The following PIP4K2C variants were observed in gnomAD, a reference collection of about 807,000 sequenced individuals.
The protein encoded by PIP4K2C is phosphatidylinositol 5-phosphate 4-kinase type-2 gamma.
A neutral mutation model predicts 45.0 loss-of-function variants in PIP4K2C; 21 were observed. The observed-to-expected ratio is 0.47, with a 90% CI of 0.33 to 0.67. PIP4K2C has a LOEUF of 0.67. Among genes scored for constraint, PIP4K2C ranks in the 30% least tolerant of loss-of-function variants. The pLI is 0.02. For missense variants in PIP4K2C, 456 were observed against 542.8 expected (o/e 0.84, Z 1.59); for synonymous variants, 201 against 204.8 (o/e 0.98, Z 0.16).
chr12:57,593,675 GTTTTTTTTTTTTTTTTTTT>G (rs56900742), intron 1 of PIP4K2C, among the ~76,000 whole-genome samples: 7 of 64,052 alleles, frequency 1.1e-4, no homozygotes, highest in African/African-American at 4.4e-4. Context: ...AGCTTGCAGA[GTTTTTTTTTTTTTTTTTTT>G]TTTTTTTTTT....
rs911875715 is a variant in PIP4K2C, at chr12:57,601,750, T to C, written c.*144T>C. The C allele has an allele frequency of 1.3e-5, 9 of 703,158 alleles. No homozygotes were observed. The highest frequency in any genetic ancestry group is 2.3e-5 in the Non-Finnish European group (9 of 397,240). 43.6% of individuals were successfully genotyped at this position (703,158 alleles called of 1,614,324 possible). On this transcript the variant is annotated 3_prime_UTR_variant, in exon 10 of 10. Transcript: ENST00000354947. ...TCCTTCCATCCAGATAACTCCATCC[T>C]GTCGAGTAGGCTCTTTCTGACCCTC...
intron 4 of PIP4K2C, among the ~76,000 whole-genome samples, chr12:57,596,384 C>T (rs1883194989): frequency 6.6e-6 from 1 of 151,558 alleles, no homozygotes; most frequent in Non-Finnish European, 1.5e-5. Flanking sequence ...GCTCAGGAGG[C>T]TAACGCAGGA....
At chr12:57,600,048 CAAAAAA>C (rs56278212) in intron 6 of PIP4K2C, among the ~76,000 whole-genome samples, 1 of 139,470 alleles carries the variant, frequency 7.2e-6, no homozygotes, top group Non-Finnish European at 1.5e-5. Context: ...GATCCTATCT[CAAAAAA>C]AAAAAAAAAA....
At chr12:57,599,030 G>T in intron 4 of PIP4K2C, 35 bp from the exon 5 acceptor site, 1 of 1,607,564 alleles carries the variant, frequency 6.2e-7, no homozygotes, top group Non-Finnish European at 8.5e-7. Context: ...CTGCTACTCA[G>T]CCTCTCCCCA....
Position 57,600,504 on chromosome 12 carries a change from C to T in PIP4K2C, c.813+67C>T, listed in dbSNP as rs1042411060. On this transcript the variant is annotated intron_variant, in intron 7 of 9. Transcript: ENST00000354947. The stretch of plus-strand genomic sequence containing the variant: ...CTCCCTAGAGGGTAGTTGTCTCTTT[C>T]ATTCACGGTATGAGGGAGCTCCTCC... 8.2e-6 allele frequency: 9 copies of T among 1,103,150 alleles called. No homozygotes were observed. The African/African-American group carries it at 1.1e-4, about 13-fold the overall frequency. 68.3% of individuals were successfully genotyped at this position (1,103,150 alleles called of 1,614,324 possible).
chr12:57,599,493 G>A (rs1883335549), intron 6 of PIP4K2C, 55 bp downstream of exon 6: 1 of 1,594,602 alleles, frequency 6.3e-7, no homozygotes, highest in South Asian at 1.1e-5. Context: ...GAGGGCAGAT[G>A]AGGGGAACTT....
chr12:57,594,220 C>T (rs1381652463), intron 2 of PIP4K2C, 98 bp downstream of exon 2: 8 of 953,354 alleles, frequency 8.4e-6, no homozygotes, highest in Non-Finnish European at 1.2e-5. Context: ...AACATCCTTC[C>T]CAAATGCAGA....
At chr12:57,601,470 T>C in intron 9 of PIP4K2C, 56 bp from the exon 10 acceptor site, 3 of 1,549,916 alleles carry the variant, frequency 1.9e-6, no homozygotes, top group Non-Finnish European at 1.8e-6. Context: ...TGGGTGGGGG[T>C]GATGGGGACG....
Position 57,595,219 on chromosome 12 carries a change from C to T in PIP4K2C, c.366C>T (p.Tyr122=), listed in dbSNP as rs1335892049. The change falls in exon 3 of 10, where the codon TAC becomes TAT. Residue 122 remains tyrosine, a synonymous_variant. Transcript: ENST00000354947. ...GATTTGGCATTGATGACCAAGATTA[C>T]TTGGTGAGAGTCCATTAAGGGGTGA... is the stretch of plus-strand genomic sequence containing the variant. ...RDRFGIDDQD[Y]LVSLTRNPPS... The T allele has an allele frequency of 1.3e-6, 2 of 1,595,008 alleles. No individual in the cohort carries two copies. Among genetic ancestry groups the T allele is most frequent in the Non-Finnish European group, 1.7e-6 (2 of 1,162,718 alleles).
At chr12:57,598,627 C>T (rs1301184029) in intron 4 of PIP4K2C, among the ~76,000 whole-genome samples, 1 of 147,504 alleles carries the variant, frequency 6.8e-6, no homozygotes, top group Non-Finnish European at 1.5e-5. Context: ...CAGAATGACA[C>T]AGCACAGCCC....
rs1326640775 is a variant in PIP4K2C, at chr12:57,591,299, T to A, written c.10T>A (p.Ser4Thr). 2 of 1,610,520 alleles carry A rather than the reference T, an allele frequency of 1.2e-6. No individual in the cohort carries two copies. The highest frequency in any genetic ancestry group is 8.5e-7 in the Non-Finnish European group (1 of 1,177,954). MAS[S>T]SVPPATVSAA... ...GGTTGCGCGGGAGACTATGGCGTCC[T>A]CCTCGGTCCCACCAGCCACGGTATC... The change falls in exon 1 of 10, where the codon TCC becomes ACC. Residue 4 changes from serine to threonine, a missense_variant. Ser to Thr is a moderately conservative substitution (Grantham distance 58). This residue lies in a region of PIP4K2C where 421 missense variants were observed against 473.1 expected (regional missense o/e 0.89). Coordinates refer to ENST00000354947, the MANE Select transcript of PIP4K2C (RefSeq NM_024779.5).
At chr12:57,593,581 GC>G (rs1167175525) in intron 1 of PIP4K2C, among the ~76,000 whole-genome samples, 1 of 151,302 alleles carries the variant, frequency 6.6e-6, no homozygotes, top group African/African-American at 2.4e-5. Context: ...GCTGTGGTTG[GC>G]CCCACAGAAT....
chr12:57,592,813 C>T (rs1041427756), intron 1 of PIP4K2C, among the ~76,000 whole-genome samples: 8 of 151,816 alleles, frequency 5.3e-5, no homozygotes, highest in African/African-American at 1.9e-4. Flanking sequence ...GAACATATGT[C>T]TTAGTGATGA....
rs1883447708 is a variant in PIP4K2C, at chr12:57,601,664, A to G, written c.*58A>G. ...GGTGGGGTTCTGAGACACTTGGGGG[A>G]ATTGTGGGGATATTCTAGCCACCAG... On this transcript the variant is annotated 3_prime_UTR_variant, in exon 10 of 10. Coordinates refer to ENST00000354947, the MANE Select transcript of PIP4K2C (RefSeq NM_024779.5). 21 of 1,418,642 alleles carry G rather than the reference A, an allele frequency of 1.5e-5. No individual in the cohort carries two copies. Among genetic ancestry groups the G allele is most frequent in the Non-Finnish European group, 2.0e-5 (20 of 1,002,328 alleles). 87.9% of individuals were successfully genotyped at this position (1,418,642 alleles called of 1,614,324 possible). A position where few individuals can be genotyped will look rare whatever the true frequency, so the allele number is the denominator to read the frequency against.
intron 1 of PIP4K2C, 151 bp downstream of exon 1, chr12:57,591,614 C>A: frequency 1.2e-6 from 1 of 845,034 alleles, no homozygotes. Context: ...CCAGGTGTTC[C>A]CCCAGCAGGT....
At chr12:57,601,415 C>A in intron 9 of PIP4K2C, 67 bp downstream of exon 9, 1 of 1,545,324 alleles carries the variant, frequency 6.5e-7, no homozygotes, top group Non-Finnish European at 8.9e-7. Context: ...TCTCTTGTGC[C>A]AGAGCAATGG....
At position 57,601,255 on chromosome 12, in the gene PIP4K2C, G is replaced by C. The variant is rs768441532; in HGVS notation, c.1092G>C (p.Gln364His). 1.2e-6 allele frequency: 2 copies of C among 1,612,636 alleles called. No homozygotes were observed. Among genetic ancestry groups the C allele is most frequent in the African/African-American group, 2.7e-5 (2 of 74,868 alleles). ...TGGTCTCTCTCCCAGGAGCCCCCCA[G>C]AAGGAGGTCTACTTCATGGGCCTCA... ...YAIRSAEGAP[Q>H]KEVYFMGLID... Residue 364 changes from glutamine to histidine, a missense_variant, in exon 9 of 10, where the codon CAG (glutamine) becomes CAC (histidine). This residue lies in a region of PIP4K2C where 421 missense variants were observed against 473.1 expected (regional missense o/e 0.89). Transcript: ENST00000354947.
chr12:57,595,030 C>A, intron 2 of PIP4K2C, 96 bp from the exon 3 acceptor site: 1 of 754,820 alleles, frequency 1.3e-6, no homozygotes, highest in Admixed American at 2.2e-5. Flanking sequence ...TTATGAGAAT[C>A]AAATGAGGTA....
chr12:57,603,281 T>G lies in PIP4K2C; in HGVS notation c.*1675T>G, dbSNP rs897967833. On this transcript the variant is annotated 3_prime_UTR_variant, in exon 10 of 10. Coordinates refer to ENST00000354947, the MANE Select transcript of PIP4K2C (RefSeq NM_024779.5). ...TCTTTAGAAATGGGTTTTCTGATCA[T>G]ATGGCTGATGTGTTATGGGCAGTAT... 2 of 152,694 alleles carry G rather than the reference T, an allele frequency of 1.3e-5. No homozygotes were observed. The highest frequency in any genetic ancestry group is 2.9e-5 in the Non-Finnish European group (2 of 68,050). 9.5% of individuals were successfully genotyped at this position (152,694 alleles called of 1,614,324 possible).
Sources: gnomAD v4.1 joint callset for allele counts (sites outside exome capture counted in the v4.1 genomes callset) on GRCh38, gnomAD v4.1.1 for gene constraint, gnomAD v4.1.1 regional missense constraint, MANE v1.5 for transcripts, NCBI Gene and HGNC (gene_info 2026-07-23, HGNC 2026-07-21) for gene names.